Variants in CNNM4 observed in about 807,000 individuals in gnomAD.
CNNM4 encodes the protein metal transporter CNNM4.
CNNM4 carries 32 observed loss-of-function variants against 53.7 expected under a neutral mutation model. That is an observed-to-expected ratio of 0.60 (90% CI 0.45 to 0.80). CNNM4 has a LOEUF of 0.80. Among genes scored for constraint, CNNM4 ranks in the 30% least tolerant of loss-of-function variants. CNNM4 has a pLI of 0.00. For synonymous variants in CNNM4, 410 were observed against 440.0 expected (o/e 0.93, Z 0.85); for missense variants, 784 against 1,022.0 (o/e 0.77, Z 3.17).
intron 3 of CNNM4, 38 bp from the exon 4 acceptor site, chr2:96,799,019 C>A (rs374257951): frequency 6.2e-7 from 1 of 1,608,714 alleles, no homozygotes; most frequent in East Asian, 2.2e-5. Flanking sequence ...GGCCACCTGG[C>A]CAGCCCCGTG....
At chr2:96,764,814 C>A (rs1381606312) in intron 1 of CNNM4, among the ~76,000 whole-genome samples, 1 of 151,970 alleles carries the variant, frequency 6.6e-6, no homozygotes, top group Non-Finnish European at 1.5e-5. Context: ...GGTGAAACCC[C>A]GTCTCTACTA....
At chr2:96,763,596 C>T (rs1241298962) in intron 1 of CNNM4, among the ~76,000 whole-genome samples, 2 of 152,118 alleles carry the variant, frequency 1.3e-5, no homozygotes, top group African/African-American at 4.8e-5. Context: ...CTTCGGAATC[C>T]TAGCAGGGAG....
Position 96,762,171 on chromosome 2 carries a change from T to A in CNNM4, c.1172T>A (p.Ile391Asn). 1 of 1,614,112 alleles carries A rather than the reference T, an allele frequency of 6.2e-7. No homozygotes were observed. Among genetic ancestry groups the A allele is most frequent in the East Asian group, 2.2e-5 (1 of 44,888 alleles). The change falls in exon 1 of 7, where the codon ATC (isoleucine) becomes AAC (asparagine). Residue 391 changes from isoleucine to asparagine, a missense_variant. Ile to Asn is a moderately radical substitution (Grantham distance 149). Around this residue, in one of 3 missense-constraint regions of CNNM4, gnomAD observed 473 missense variants for 624.6 expected, o/e 0.76. Coordinates refer to ENST00000377075, the MANE Select transcript of CNNM4 (RefSeq NM_020184.4). Reference protein sequence around the residue: ...QDCFMIRSDAILDFNTMSEIM... With the variant: ...QDCFMIRSDANLDFNTMSEIM... ...TGCTTCATGATCCGCAGCGATGCCA[T>A]CCTGGACTTCAACACCATGTCGGAG... is the stretch of plus-strand genomic sequence containing the variant.
chr2:96,802,892 C>T (rs906584395), intron 5 of CNNM4, among the ~76,000 whole-genome samples: 2 of 152,168 alleles, frequency 1.3e-5, no homozygotes, highest in African/African-American at 4.8e-5. Flanking sequence ...AACCAGGCCG[C>T]AGAGGGCACA....
intron 5 of CNNM4, among the ~76,000 whole-genome samples, chr2:96,805,428 T>A (rs939993000): frequency 1.4e-5 from 2 of 140,398 alleles, no homozygotes; most frequent in East Asian, 1.9e-4. Flanking sequence ...GTTTTTTTTT[T>A]TTTTTTTTTT....
chr2:96,772,259 C>A (rs959593409), intron 1 of CNNM4, among the ~76,000 whole-genome samples: 3 of 142,104 alleles, frequency 2.1e-5, no homozygotes, highest in Non-Finnish European at 4.6e-5. Context: ...CGCTTACACA[C>A]CCCATGCGCG....
rs764561344 is a variant in CNNM4 at position 96,762,352 on chromosome 2, T to C, written c.1353T>C (p.Phe451=). 2 of 1,614,174 alleles carry C rather than the reference T, an allele frequency of 1.2e-6. No homozygotes were observed. Among genetic ancestry groups the C allele is most frequent in the Middle Eastern group, 1.6e-4 (1 of 6,062 alleles). ...GCTTCTATAACCACCCGGTGCACTT[T>C]GTCTTCCATGACACCAAGTTGGATG... is the stretch of plus-strand genomic sequence containing the variant. The part of the protein sequence containing the change: ...ITRFYNHPVH[F]VFHDTKLDAM... The change falls in exon 1 of 7, where the codon TTT becomes TTC. Residue 451 remains phenylalanine (F), a synonymous_variant. Coordinates refer to ENST00000377075, the MANE Select transcript of CNNM4 (RefSeq NM_020184.4).
intron 1 of CNNM4, among the ~76,000 whole-genome samples, chr2:96,793,496 C>G (rs1420180674): frequency 6.6e-6 from 1 of 152,320 alleles, no homozygotes; most frequent in South Asian, 2.1e-4. Context: ...GTGCTCAGGG[C>G]TGTACACCTA....
chr2:96,767,142 G>C (rs1359135376), intron 1 of CNNM4, among the ~76,000 whole-genome samples: 1 of 152,136 alleles, frequency 6.6e-6, no homozygotes, highest in African/African-American at 2.4e-5. Context: ...GGTAGGGGCC[G>C]AGTGTCCCTA....
At chr2:96,798,950 T>G in intron 3 of CNNM4, 107 bp from the exon 4 acceptor site, 1 of 1,156,710 alleles carries the variant, frequency 8.6e-7, no homozygotes, top group South Asian at 1.2e-5. Flanking sequence ...GCGGGAGTCG[T>G]CTGAGCACAG....
Position 96,797,105 on chromosome 2 carries a change from T to C in CNNM4, c.1496T>C (p.Val499Ala). 2 of 1,614,154 alleles carry C rather than the reference T, an allele frequency of 1.2e-6. No individual in the cohort carries two copies. Among genetic ancestry groups the C allele is most frequent in the Non-Finnish European group, 1.7e-6 (2 of 1,180,008 alleles). ...CTGGGCCTGGTCACCCTGGAGGACG[T>C]GATCGAGGAGATCATCAAGTCGGAG... ...EVLGLVTLED[V>A]IEEIIKSEIL... The change falls in exon 2 of 7, where the codon GTG becomes GCG. Residue 499 changes from valine (V) to alanine (A), a missense_variant. Physicochemically the swap from Val to Ala is moderately conservative, Grantham distance 64 (BLOSUM62 0). Transcript: ENST00000377075. This position sits in a 1 kb window ranked among gnomAD's most constrained non-coding sequence, Gnocchi z 6.0.
chr2:96,808,131 T>G lies in CNNM4; in HGVS notation c.1949-430T>G, dbSNP rs1344136398. On this transcript the variant is annotated intron_variant, in intron 5 of 6. Transcript: ENST00000377075. This position sits in a 1 kb window ranked among gnomAD's most constrained non-coding sequence, Gnocchi z 4.9. ...CTCCAACTCTGACCTCAGGTCATCCTCCTGCCTCGGCCTCCCAAAGTGCTG... is the reference window on the plus strand; with the variant it reads ...CTCCAACTCTGACCTCAGGTCATCCGCCTGCCTCGGCCTCCCAAAGTGCTG... 6.6e-6 allele frequency among the ~76,000 whole-genome samples: 1 copy of G among 152,130 alleles called. No individual in the cohort carries two copies. Among genetic ancestry groups the G allele is most frequent in the African/African-American group, 2.4e-5 (1 of 41,436 alleles).
At chr2:96,809,291 C>T (rs1363535227) in intron 6 of CNNM4, 29 bp from the exon 7 acceptor site, 3 of 1,613,662 alleles carry the variant, frequency 1.9e-6, no homozygotes, top group Middle Eastern at 1.6e-4. Context: ...CAGCCCCTCC[C>T]TCCATGAACT....
chr2:96,770,672 A>G lies in CNNM4; in HGVS notation c.1402+8271A>G, dbSNP rs908920. Reference sequence around the variant, plus strand: ...TGCCTTCTCTCTGCACCCCTCCCACATGAACCTGGTTGACTGAACAGCAAG... The same window carrying G: ...TGCCTTCTCTCTGCACCCCTCCCACGTGAACCTGGTTGACTGAACAGCAAG... On this transcript the variant is annotated intron_variant, in intron 1 of 6. Coordinates refer to ENST00000377075, the MANE Select transcript of CNNM4 (RefSeq NM_020184.4). Among the ~76,000 whole-genome samples, 358 of 152,208 alleles carry G rather than the reference A, an allele frequency of 2.4e-3. 1 individual carries two copies. The highest frequency in any genetic ancestry group is 9.7e-3 in the South Asian group (47 of 4,824).
At chr2:96,776,199 T>G (rs2078923112) in intron 1 of CNNM4, among the ~76,000 whole-genome samples, 1 of 151,936 alleles carries the variant, frequency 6.6e-6, no homozygotes, top group Non-Finnish European at 1.5e-5. Flanking sequence ...CTGGCTAATT[T>G]TTTATATTTT....
chr2:96,774,477 G>T (rs183767704), intron 1 of CNNM4, among the ~76,000 whole-genome samples: 218 of 152,286 alleles, frequency 1.4e-3, no homozygotes, highest in African/African-American at 5.1e-3. Flanking sequence ...GCCTGTGCCT[G>T]TGTTAGTGGT....
chr2:96,808,763 T>C lies in CNNM4; in HGVS notation c.2130+21T>C. On this transcript the variant is annotated intron_variant, in intron 6 of 6. Transcript: ENST00000377075. The surrounding 1 kb of genome is among the most constrained non-coding windows in gnomAD (Gnocchi z 4.9). ...TCAAGGTGAGTGCCTCACTGCCCTG[T>C]CTGGGCAGTGCTATCTTCTGCTCAG... The C allele has an allele frequency of 6.2e-7, 1 of 1,605,912 alleles. No individual in the cohort carries two copies. The highest frequency in any genetic ancestry group is 8.5e-7 in the Non-Finnish European group (1 of 1,172,528).
intron 1 of CNNM4, among the ~76,000 whole-genome samples, chr2:96,769,557 C>G (rs1448717343): frequency 1.4e-5 from 2 of 143,768 alleles, no homozygotes; most frequent in Admixed American, 7.0e-5. Context: ...GAGTGAGACT[C>G]TGTCTCAAAA....
rs2079232078 is a variant in CNNM4 at position 96,808,970 on chromosome 2, A to C, written c.2130+228A>C. On this transcript the variant is annotated intron_variant, in intron 6 of 6. Transcript: ENST00000377075. The surrounding 1 kb of genome is among the most constrained non-coding windows in gnomAD (Gnocchi z 4.9). ...TTCCTCCCACCTCAGCCTCCTGAGT[A>C]GCTGGGACTACAGGTGTGCATGTGG... Among the ~76,000 whole-genome samples, 1 of 150,530 alleles carries C rather than the reference A, an allele frequency of 6.6e-6. No homozygotes were observed. Among genetic ancestry groups the C allele is most frequent in the Non-Finnish European group, 1.5e-5 (1 of 67,798 alleles).
Sources: allele counts gnomAD v4.1 joint callset (sites outside exome capture counted in the v4.1 genomes callset), GRCh38; gene constraint gnomAD v4.1.1; regional missense constraint gnomAD v4.1.1; non-coding constraint Gnocchi (gnomAD v3.1); transcripts MANE v1.5; gene names NCBI Gene and HGNC (gene_info 2026-07-23, HGNC 2026-07-21).